Variants in PTPRD observed in about 807,000 individuals in gnomAD.
The protein encoded by PTPRD is receptor-type tyrosine-protein phosphatase delta.
In PTPRD, 34 loss-of-function variants were observed where a neutral mutation model predicts 214.5. That is an observed-to-expected ratio of 0.16 (90% CI 0.12 to 0.21). The LOEUF (loss-of-function observed/expected upper bound fraction) is 0.21. Ranked by LOEUF, PTPRD falls within the 10% of genes least tolerant of loss-of-function variation. PTPRD has a pLI of 1.00. For synonymous variants in PTPRD, 1,128 were observed against 845.7 expected (o/e 1.33, Z -5.79); for missense variants, 2,545 against 2,398.7 (o/e 1.06, Z -1.27).
At chr9:8,651,415 T>G (rs944319494) in intron 12 of PTPRD, among the ~76,000 whole-genome samples, 1 of 152,118 alleles carries the variant, frequency 6.6e-6, no homozygotes, top group Non-Finnish European at 1.5e-5. Flanking sequence ...CACAGAGAAC[T>G]CAAATTGATG....
At chr9:8,481,185 A>T (rs1172756194) in intron 30 of PTPRD, among the ~76,000 whole-genome samples, 1 of 151,092 alleles carries the variant, frequency 6.6e-6, no homozygotes, top group Non-Finnish European at 1.5e-5. Flanking sequence ...GACAAATGTG[A>T]AGACTTTATT....
In PTPRD at chr9:8,377,316, A is replaced by G. The variant is rs374903963; in HGVS notation, c.4387-590T>C. Among the ~76,000 whole-genome samples the G allele has an allele frequency of 4.2e-4, 64 of 152,226 alleles. 3 individuals carry two copies. In the South Asian group the frequency reaches 0.013, roughly 32 times the overall value. On this transcript the variant is annotated intron_variant, in intron 37 of 45. Coordinates refer to ENST00000381196, the MANE Select transcript of PTPRD (RefSeq NM_002839.4). Reference sequence around the variant, plus strand: ...GGAAAAAGAGTTGTCTGTTCCTTAAAAAGAGTCTCAGAGGGTCACACACTA... The same window carrying G: ...GGAAAAAGAGTTGTCTGTTCCTTAAGAAGAGTCTCAGAGGGTCACACACTA...
At chr9:10,263,210 G>T (rs1323687770) in intron 3 of PTPRD, among the ~76,000 whole-genome samples, 1 of 152,140 alleles carries the variant, frequency 6.6e-6, no homozygotes, top group Non-Finnish European at 1.5e-5. Context: ...AGTAGAATAG[G>T]GTGTTGCTGT....
At chr9:8,433,979 G>C (rs1342369405) in intron 35 of PTPRD, among the ~76,000 whole-genome samples, 1 of 146,822 alleles carries the variant, frequency 6.8e-6, no homozygotes, top group African/African-American at 2.7e-5. Flanking sequence ...GGCACCATTT[G>C]TTTGTTTGCT....
In PTPRD at chr9:8,765,516, T is replaced by C. The variant is rs139844786; in HGVS notation, c.-103-31570A>G. 5.9e-5 allele frequency among the ~76,000 whole-genome samples: 9 copies of C among 152,230 alleles called. No individual in the cohort carries two copies. The East Asian group carries it at 1.4e-3, about 23-fold the overall frequency. On this transcript the variant is annotated intron_variant, in intron 11 of 45. Coordinates refer to ENST00000381196, the MANE Select transcript of PTPRD (RefSeq NM_002839.4). Reference sequence around the variant, plus strand: ...TGTGAATAAGGTTAGAAGCGGGTATTATCAGTCCTGCCAAAAGCCAAGTAG... The same window carrying C: ...TGTGAATAAGGTTAGAAGCGGGTATCATCAGTCCTGCCAAAAGCCAAGTAG...
intron 3 of PTPRD, among the ~76,000 whole-genome samples, chr9:10,313,262 CT>C (rs2154419410): frequency 6.6e-6 from 1 of 151,948 alleles, no homozygotes; most frequent in Non-Finnish European, 1.5e-5. Flanking sequence ...TTAACTTGGA[CT>C]CTTTCTCTTA....
At chr9:9,428,787 C>T (rs2081992135) in intron 8 of PTPRD, among the ~76,000 whole-genome samples, 1 of 152,170 alleles carries the variant, frequency 6.6e-6, no homozygotes, top group African/African-American at 2.4e-5. Context: ...ACTGAACAAC[C>T]TGCTCCTGAA....
At chr9:8,530,073 G>A (rs1055850723) in intron 14 of PTPRD, among the ~76,000 whole-genome samples, 1 of 151,970 alleles carries the variant, frequency 6.6e-6, no homozygotes, top group Non-Finnish European at 1.5e-5. Flanking sequence ...CTCCTTGGGT[G>A]CCTCCTACAA....
At chr9:9,165,852 G>C (rs967079913) in intron 10 of PTPRD, among the ~76,000 whole-genome samples, 2 of 152,094 alleles carry the variant, frequency 1.3e-5, no homozygotes, top group Non-Finnish European at 2.9e-5. Flanking sequence ...TAAAGACATA[G>C]ATATAGCAAC....
At chr9:9,135,877 A>G (rs570185020) in intron 10 of PTPRD, among the ~76,000 whole-genome samples, 2 of 152,220 alleles carry the variant, frequency 1.3e-5, no homozygotes, top group Admixed American at 6.5e-5. Context: ...TTGTTCTTCA[A>G]AAGTTGAGCA....
Position 9,146,605 on chromosome 9 carries a change from G to A in PTPRD, c.-143+36699C>T, listed in dbSNP as rs188634684. Among the ~76,000 whole-genome samples, 370 of 152,138 alleles carry A rather than the reference G, an allele frequency of 2.4e-3. 2 individuals carry two copies. The highest frequency in any genetic ancestry group is 6.8e-3 in the Middle Eastern group (2 of 294). On this transcript the variant is annotated intron_variant, in intron 10 of 45. Coordinates refer to ENST00000381196, the MANE Select transcript of PTPRD (RefSeq NM_002839.4). Reference sequence around the variant, plus strand: ...TTATTTCACAGCTCGAAGGGACCTTGGAGATTATTGCATTCAATAGCTACC... The same window carrying A: ...TTATTTCACAGCTCGAAGGGACCTTAGAGATTATTGCATTCAATAGCTACC...
chr9:9,804,229 T>C (rs1164250737), intron 5 of PTPRD, among the ~76,000 whole-genome samples: 1 of 152,060 alleles, frequency 6.6e-6, no homozygotes, highest in African/African-American at 2.4e-5. Context: ...GAAGCTTTGA[T>C]TCTGAAGTAA....
chr9:8,610,124 C>T (rs1320862732), intron 14 of PTPRD, among the ~76,000 whole-genome samples: 2 of 150,938 alleles, frequency 1.3e-5, no homozygotes, highest in African/African-American at 4.9e-5. Context: ...GGCATAGCAG[C>T]ACACTTTTTG....
At chr9:8,873,843 G>A in intron 11 of PTPRD, among the ~76,000 whole-genome samples, 1 of 152,096 alleles carries the variant, frequency 6.6e-6, no homozygotes, top group African/African-American at 2.4e-5. Context: ...GTCTCCTGGA[G>A]GCCATTGAGG....
chr9:9,418,488 G>A (rs192227730), intron 8 of PTPRD, among the ~76,000 whole-genome samples: 11 of 152,056 alleles, frequency 7.2e-5, no homozygotes, highest in East Asian at 1.9e-4. Flanking sequence ...ATGGGGACTG[G>A]CAGTAGACTG....
At chr9:10,044,874 A>G (rs1199504495) in intron 3 of PTPRD, among the ~76,000 whole-genome samples, 1 of 151,748 alleles carries the variant, frequency 6.6e-6, no homozygotes, top group African/African-American at 2.4e-5. Context: ...CATTACACTG[A>G]CATTTTGGGA....
chr9:10,306,070 C>T (rs574309745), intron 3 of PTPRD, among the ~76,000 whole-genome samples: 1 of 152,202 alleles, frequency 6.6e-6, no homozygotes, highest in East Asian at 1.9e-4. Context: ...GGCACATATA[C>T]ACCAGGGAAT....
chr9:8,736,783 G>C (rs1463282137), intron 11 of PTPRD, among the ~76,000 whole-genome samples: 1 of 151,862 alleles, frequency 6.6e-6, no homozygotes. Flanking sequence ...AAGCTGGCCA[G>C]CTGTTCCAAA....
intron 12 of PTPRD, among the ~76,000 whole-genome samples, chr9:8,642,860 C>G (rs963737923): frequency 2.0e-5 from 3 of 152,134 alleles, no homozygotes; most frequent in African/African-American, 7.2e-5. Context: ...GACAACCTGC[C>G]CAAGTCAACA....
Sources: gnomAD v4.1 joint callset for allele counts (sites outside exome capture counted in the v4.1 genomes callset) on GRCh38, gnomAD v4.1.1 for gene constraint, MANE v1.5 for transcripts, NCBI Gene and HGNC (gene_info 2026-07-23, HGNC 2026-07-21) for gene names.